Variants in ALKAL1 observed in about 807,000 individuals in gnomAD.
ALKAL1 encodes AUG-beta.
In ALKAL1, 23 loss-of-function variants were observed where a neutral mutation model predicts 13.5. The ratio of observed to expected loss-of-function variants is 1.70; its 90% CI spans 1.23 to 2.41. ALKAL1 has a LOEUF of 2.41. ALKAL1 is among the 30% of genes most tolerant of loss of function. The pLI is 0.00. For missense variants in ALKAL1, 181 were observed against 178.4 expected, an observed-to-expected ratio of 1.01 and a Z score of -0.08; for synonymous variants, 85 against 77.7, an observed-to-expected ratio of 1.09 and a Z score of -0.49.
At chr8:52,536,219 G>A (rs1014023729) in intron 4 of ALKAL1, among the ~76,000 whole-genome samples, 11 of 152,124 alleles carry the variant, frequency 7.2e-5, no homozygotes, top group Non-Finnish European at 1.2e-4. Flanking sequence ...GATTACAGGC[G>A]TGAGCCACCA....
intron 4 of ALKAL1, 81 bp downstream of exon 4, chr8:52,538,350 T>C: frequency 1.3e-6 from 1 of 784,300 alleles, no homozygotes; most frequent in Non-Finnish European, 2.1e-6. Context: ...TCATTATGTG[T>C]CAACTAAAAA....
intron 1 of ALKAL1, among the ~76,000 whole-genome samples, chr8:52,549,333 T>C (rs1399734154): frequency 6.6e-6 from 1 of 151,874 alleles, no homozygotes; most frequent in African/African-American, 2.4e-5. Context: ...ACTGAGAGAA[T>C]TATAGATGAG....
intron 4 of ALKAL1, among the ~76,000 whole-genome samples, chr8:52,535,944 ATT>A (rs10554878): frequency 0.16 from 23,084 of 147,646 alleles, 1,894 homozygotes; most frequent in South Asian, 0.26. Flanking sequence ...CTCTATGACC[ATT>A]TTTTTTTTTT....
chr8:52,557,300 T>C (rs529015814), intron 1 of ALKAL1, among the ~76,000 whole-genome samples: 22 of 152,298 alleles, frequency 1.4e-4, no homozygotes, highest in South Asian at 2.1e-4. Context: ...TCCTCTGTTG[T>C]TATATCTTCA....
chr8:52,556,962 C>A (rs1847490602), intron 1 of ALKAL1, among the ~76,000 whole-genome samples: 1 of 152,096 alleles, frequency 6.6e-6, no homozygotes, highest in African/African-American at 2.4e-5. Context: ...AGTATGACTC[C>A]TACCCTGCTT....
rs1168265252 is a variant in ALKAL1 at position 52,539,991 on chromosome 8, A to G, written c.245-80T>C. ...ATTTCCTAGCACTTTATGGGTGGAT[A>G]TAATACAACAGCACTTTACATCCTT... On this transcript the variant is annotated intron_variant, in intron 2 of 4. Coordinates refer to ENST00000358543, the MANE Select transcript of ALKAL1 (RefSeq NM_207413.4). 18 of 1,188,294 alleles carry G rather than the reference A, an allele frequency of 1.5e-5. No individual in the cohort carries two copies. In the East Asian group the frequency reaches 4.0e-4, roughly 27 times the overall value. The allele number at this position is 1,188,294 out of a possible 1,614,324, so 73.6% of individuals were successfully genotyped here. A position where few individuals can be genotyped will look rare whatever the true frequency, so the allele number is the denominator to read the frequency against.
chr8:52,562,284 G>C (rs1018799578), intron 1 of ALKAL1, among the ~76,000 whole-genome samples: 2 of 152,198 alleles, frequency 1.3e-5, no homozygotes, highest in African/African-American at 4.8e-5. Context: ...AACTAGAGTG[G>C]TGGGAAGGAC....
In ALKAL1 at chr8:52,565,316, G is replaced by GGGTGCGCGGCCCAAGAGAA; in HGVS notation, c.-79_-61dup. The GGGTGCGCGGCCCAAGAGAA allele has an allele frequency of 1.6e-6, 2 of 1,244,234 alleles. 1 individual carries two copies. The highest frequency in any genetic ancestry group is 6.2e-5 in the South Asian group (2 of 32,510). 77.1% of individuals were successfully genotyped at this position (1,244,234 alleles called of 1,614,324 possible). ...GGGAGGATCCCGACGCAGGTCCGGA[G>GGGTGCGCGGCCCAAGAGAA]GGTGCGCGGCCCAAGAGAAGGCCAG... On this transcript the variant is annotated 5_prime_UTR_variant, in exon 1 of 5. Transcript: ENST00000358543.
intron 1 of ALKAL1, among the ~76,000 whole-genome samples, chr8:52,544,173 G>A (rs1446948863): frequency 1.3e-5 from 2 of 152,106 alleles, no homozygotes; most frequent in African/African-American, 4.8e-5. Context: ...CAAGAGGGTT[G>A]CTACCGCTCA....
intron 1 of ALKAL1, among the ~76,000 whole-genome samples, chr8:52,560,743 T>G (rs1847541105): frequency 6.6e-6 from 1 of 151,418 alleles, no homozygotes; most frequent in Non-Finnish European, 1.5e-5. Flanking sequence ...AGAAACTCAT[T>G]CCTCTAAGTT....
In ALKAL1 at chr8:52,565,253, G is replaced by A; in HGVS notation, c.4C>T (p.Arg2Trp). Reference protein sequence around the residue: MRPLKPGAPLPA... With the variant: MWPLKPGAPLPA... ...AAAGGGGCGCCGGGCTTAAGGGGCC[G>A]CATGTTCGCAAGCCGGGAGGAGAGA... The change falls in exon 1 of 5, where the codon CGG (arginine) becomes TGG (tryptophan). Residue 2 changes from arginine (R) to tryptophan (W), a missense_variant. Arg to Trp is a moderately radical substitution (Grantham distance 101). Transcript: ENST00000358543. The A allele has an allele frequency of 3.1e-6, 4 of 1,310,548 alleles. No individual in the cohort carries two copies. Among genetic ancestry groups the A allele is most frequent in the South Asian group, 2.3e-5 (1 of 43,062 alleles). 81.2% of individuals were successfully genotyped at this position (1,310,548 alleles called of 1,614,324 possible). A position where few individuals can be genotyped will look rare whatever the true frequency, so the allele number is the denominator to read the frequency against.
chr8:52,556,384 A>C (rs1165599462), intron 1 of ALKAL1, among the ~76,000 whole-genome samples: 1 of 152,090 alleles, frequency 6.6e-6, no homozygotes, highest in Non-Finnish European at 1.5e-5. Context: ...GCGGTGGCTC[A>C]CGCCTGTAAT....
At chr8:52,537,375 T>G (rs997165142) in intron 4 of ALKAL1, among the ~76,000 whole-genome samples, 1 of 152,164 alleles carries the variant, frequency 6.6e-6, no homozygotes, top group Non-Finnish European at 1.5e-5. Context: ...TTGGTGGGAA[T>G]GTAAATTAGT....
At chr8:52,562,779 C>G (rs113140489) in intron 1 of ALKAL1, among the ~76,000 whole-genome samples, 4 of 152,296 alleles carry the variant, frequency 2.6e-5, no homozygotes, top group African/African-American at 9.6e-5. Context: ...TCATTCCAGG[C>G]ACATCTGGCA....
In ALKAL1 at chr8:52,534,482, G is replaced by T. The variant is rs1847248378; in HGVS notation, c.*131C>A. The T allele has an allele frequency of 1.1e-5, 5 of 461,412 alleles. No homozygotes were observed. The South Asian group carries it at 2.6e-4, about 24-fold the overall frequency. 28.6% of individuals were successfully genotyped at this position (461,412 alleles called of 1,614,324 possible). A position where few individuals can be genotyped will look rare whatever the true frequency, so the allele number is the denominator to read the frequency against. On this transcript the variant is annotated 3_prime_UTR_variant, in exon 5 of 5. Transcript: ENST00000358543. ...GGAAACAGCTAACCAGTTATTTCTG[G>T]GAAGTCTCTTATTTTACTCATCTTA... is the stretch of plus-strand genomic sequence containing the variant.
intron 1 of ALKAL1, among the ~76,000 whole-genome samples, chr8:52,548,818 GC>G (rs1847399654): frequency 6.6e-6 from 1 of 151,950 alleles, no homozygotes; most frequent in African/African-American, 2.4e-5. Context: ...TAAAACAGTT[GC>G]CATCTGCAGC....
At chr8:52,554,931 G>T (rs1462004161) in intron 1 of ALKAL1, among the ~76,000 whole-genome samples, 1 of 152,214 alleles carries the variant, frequency 6.6e-6, no homozygotes, top group Admixed American at 6.5e-5. Context: ...CAGCACTTTG[G>T]GAGGCTGAGG....
intron 1 of ALKAL1, among the ~76,000 whole-genome samples, chr8:52,562,966 G>A (rs1321043689): frequency 6.6e-6 from 1 of 152,194 alleles, no homozygotes; most frequent in Non-Finnish European, 1.5e-5. Flanking sequence ...CACAGACTCA[G>A]ATACGGATGT....
intron 1 of ALKAL1, among the ~76,000 whole-genome samples, chr8:52,550,104 T>G (rs911365803): frequency 1.3e-5 from 2 of 152,204 alleles, no homozygotes; most frequent in Non-Finnish European, 2.9e-5. Flanking sequence ...ATATCATGCT[T>G]CTTCTATTAC....
Sources: allele counts gnomAD v4.1 joint callset (sites outside exome capture counted in the v4.1 genomes callset), GRCh38; gene constraint gnomAD v4.1.1; transcripts MANE v1.5; gene names NCBI Gene and HGNC (gene_info 2026-07-23, HGNC 2026-07-21).